The following FRMD4B variants were observed in gnomAD, a reference collection of about 807,000 sequenced individuals.
FRMD4B encodes the protein FERM domain-containing protein 4B.
In FRMD4B, 74 loss-of-function variants were observed where a neutral mutation model predicts 141.5. The ratio of observed to expected loss-of-function variants is 0.52; its 90% CI spans 0.43 to 0.63. FRMD4B has a LOEUF of 0.63. Among genes scored for constraint, FRMD4B ranks in the 30% least tolerant of loss-of-function variants. The pLI is 0.00. For synonymous variants in FRMD4B, 506 were observed against 467.9 expected (o/e 1.08, Z -1.05); for missense variants, 1,366 against 1,253.4 (o/e 1.09, Z -1.36).
Position 69,308,410 on chromosome 3 carries a change from C to T in FRMD4B, c.323+2853G>A, listed in dbSNP as rs114380953. 1.9e-3 allele frequency among the ~76,000 whole-genome samples: 283 copies of T among 150,006 alleles called. 1 individual carries two copies. Among genetic ancestry groups the T allele is most frequent in the African/African-American group, 6.5e-3 (268 of 41,072 alleles). ...ACCCTCCTCCTGTACCACTTTCCCT[C>T]TTAATCTCTGTACTCTCATCACACT... On this transcript the variant is annotated intron_variant, in intron 3 of 22. Transcript: ENST00000398540.
At chr3:69,399,063 G>C (rs1319994884) in intron 2 of FRMD4B, among the ~76,000 whole-genome samples, 3 of 152,120 alleles carry the variant, frequency 2.0e-5, no homozygotes, top group African/African-American at 7.2e-5. Flanking sequence ...AAATTACTTG[G>C]AACAAATAAA....
intron 1 of FRMD4B, among the ~76,000 whole-genome samples, chr3:69,335,158 G>C (rs1000531973): frequency 3.3e-5 from 5 of 152,128 alleles, no homozygotes; most frequent in African/African-American, 1.2e-4. Context: ...TTGGGTGACA[G>C]AGTGAGACAC....
At chr3:69,361,693 G>A (rs2314987) in intron 1 of FRMD4B, among the ~76,000 whole-genome samples, 33,538 of 152,116 alleles carry the variant, frequency 0.22, 4,380 homozygotes, top group African/African-American at 0.37. Flanking sequence ...TTCATTTTCT[G>A]ATCGCTGAGT....
At chr3:69,184,375 G>C (rs2107606824) in intron 19 of FRMD4B, among the ~76,000 whole-genome samples, 1 of 152,248 alleles carries the variant, frequency 6.6e-6, no homozygotes, top group African/African-American at 2.4e-5. Flanking sequence ...TTTTTAAAAA[G>C]TTAAGTTGTA....
intron 1 of FRMD4B, among the ~76,000 whole-genome samples, chr3:69,353,288 A>C (rs1237149142): frequency 1.3e-5 from 2 of 152,212 alleles, no homozygotes; most frequent in African/African-American, 4.8e-5. Context: ...TTTAAGGACC[A>C]TCTTCACTTG....
chr3:69,316,484 T>A (rs1701806455), intron 1 of FRMD4B, among the ~76,000 whole-genome samples: 1 of 151,436 alleles, frequency 6.6e-6, no homozygotes, highest in African/African-American at 2.4e-5. Flanking sequence ...AGTCAAGATT[T>A]GAATTAATGT....
At chr3:69,542,104 C>T (rs184589294) in intron 1 of FRMD4B, 1 of 152,138 alleles carries the variant, frequency 6.6e-6, no homozygotes, top group East Asian at 2.0e-4. Context: ...GGTCTCCAAA[C>T]GTGCGCGCTG....
At position 69,228,835 on chromosome 3, in the gene FRMD4B, TA is replaced by T. The variant is rs71115665; in HGVS notation, c.582-4146del. ...GGCAACAGAGTGAGATTCTCTTATT[TA>T]AAAAAAAAAAAAAAGAATGGAGAGA... On this transcript the variant is annotated intron_variant, in intron 7 of 22. Transcript: ENST00000398540. Among the ~76,000 whole-genome samples the T allele has an allele frequency of 6.4e-3, 900 of 141,096 alleles. 1 individual carries two copies. The highest frequency in any genetic ancestry group is 8.4e-3 in the Non-Finnish European group (542 of 64,822). The allele number at this position is 141,096 out of a possible 152,430, so 92.6% of individuals were successfully genotyped here. A position where few individuals can be genotyped will look rare whatever the true frequency, so the allele number is the denominator to read the frequency against.
chr3:69,382,841 A>G (rs776600029), intron 1 of FRMD4B, among the ~76,000 whole-genome samples: 22 of 151,920 alleles, frequency 1.4e-4, no homozygotes, highest in Non-Finnish European at 3.2e-4. Flanking sequence ...GGAAGAAACC[A>G]GCTGAAGATA....
At chr3:69,364,337 C>T (rs537320818) in intron 1 of FRMD4B, among the ~76,000 whole-genome samples, 4 of 152,312 alleles carry the variant, frequency 2.6e-5, no homozygotes, top group Admixed American at 6.5e-5. Flanking sequence ...CAAGCTGGCC[C>T]CTTGGTGGCC....
chr3:69,287,127 C>T (rs1700714686), intron 5 of FRMD4B, among the ~76,000 whole-genome samples: 1 of 152,230 alleles, frequency 6.6e-6, no homozygotes, highest in South Asian at 2.1e-4. Flanking sequence ...AGCAATTTGA[C>T]ATGGCTGTAA....
chr3:69,394,442 A>G (rs190514151), intron 2 of FRMD4B, among the ~76,000 whole-genome samples: 1 of 152,370 alleles, frequency 6.6e-6, no homozygotes, highest in Non-Finnish European at 1.5e-5. Flanking sequence ...GGAACTTAAC[A>G]TGACAAAAAG....
At chr3:69,188,778 A>C (rs1008256141) in intron 18 of FRMD4B, among the ~76,000 whole-genome samples, 2 of 151,628 alleles carry the variant, frequency 1.3e-5, no homozygotes, top group East Asian at 3.9e-4. Flanking sequence ...AAAAAAAAAA[A>C]AAAAAACTTG....
intron 1 of FRMD4B, among the ~76,000 whole-genome samples, chr3:69,454,623 G>A (rs1015343145): frequency 3.3e-5 from 5 of 152,200 alleles, no homozygotes; most frequent in Admixed American, 1.3e-4. Flanking sequence ...CAGCACTGCC[G>A]GCCCGCCCAC....
At chr3:69,174,321 G>A (rs919676585) in intron 22 of FRMD4B, among the ~76,000 whole-genome samples, 1 of 152,104 alleles carries the variant, frequency 6.6e-6, no homozygotes. Context: ...TGGGAACATG[G>A]TTATGTTATG....
chr3:69,501,988 C>A (rs934107242), intron 1 of FRMD4B, among the ~76,000 whole-genome samples: 1 of 152,074 alleles, frequency 6.6e-6, no homozygotes, highest in African/African-American at 2.4e-5. Context: ...TATGAAGGAC[C>A]TCTTCAGGGA....
chr3:69,364,173 A>G (rs1483889), intron 1 of FRMD4B, among the ~76,000 whole-genome samples: 58,698 of 151,802 alleles, frequency 0.39, 12,967 homozygotes, highest in African/African-American at 0.62. Context: ...GGAGCAAAGT[A>G]ACAAGTTATG....
intron 5 of FRMD4B, among the ~76,000 whole-genome samples, chr3:69,264,367 T>C (rs770439889): frequency 6.6e-6 from 1 of 152,200 alleles, no homozygotes; most frequent in Non-Finnish European, 1.5e-5. Context: ...GTGTTCAGTA[T>C]TTGTAGAATA....
intron 1 of FRMD4B, among the ~76,000 whole-genome samples, chr3:69,451,163 A>T (rs1003929076): frequency 2.0e-5 from 3 of 152,176 alleles, no homozygotes; most frequent in Middle Eastern, 3.2e-3. Context: ...TCAGAGGATG[A>T]TGTGTGATTT....
Sources: allele counts gnomAD v4.1 joint callset (sites outside exome capture counted in the v4.1 genomes callset), GRCh38; gene constraint gnomAD v4.1.1; transcripts MANE v1.5; gene names NCBI Gene and HGNC (gene_info 2026-07-23, HGNC 2026-07-21).